The following TRIM7 variants were observed in gnomAD, a reference collection of about 807,000 sequenced individuals.
The protein encoded by TRIM7 is tripartite motif containing 7, also known as E3 ubiquitin-protein ligase TRIM7.
In TRIM7, 32 loss-of-function variants were observed where a neutral mutation model predicts 37.9. That is an observed-to-expected ratio of 0.84 (90% confidence interval 0.64 to 1.13). TRIM7 has a LOEUF of 1.13. TRIM7 is among the 50% of genes most tolerant of loss of function. The pLI is 0.00. For missense variants in TRIM7, 732 were observed against 714.0 expected (o/e 1.03, Z -0.29); for synonymous variants, 351 against 321.3 (o/e 1.09, Z -0.99).
At chr5:181,198,056 A>G in intron 6 of TRIM7, 127 bp downstream of exon 6, 1 of 918,950 alleles carries the variant, frequency 1.1e-6, no homozygotes. Flanking sequence ...GGACAGAGGA[A>G]CAGGGTTGCT....
intron 1 of TRIM7, 70 bp downstream of exon 1, chr5:181,204,519 C>G: frequency 2.3e-6 from 3 of 1,302,394 alleles, no homozygotes; most frequent in Non-Finnish European, 2.9e-6. Flanking sequence ...CTCTGCACCC[C>G]GTGCGCGGGA....
rs254460 is a variant in TRIM7, at chr5:181,195,615, C to A, written c.1087G>T (p.Gly363Cys). The A allele has an allele frequency of 6.4e-7, 1 of 1,572,392 alleles. No individual in the cohort carries two copies. The highest frequency in any genetic ancestry group is 8.7e-7 in the Non-Finnish European group (1 of 1,155,908). The change falls in exon 7 of 7, where the codon GGC becomes TGC. Residue 363 changes from glycine to cysteine, a missense_variant. Gly to Cys is a radical substitution (Grantham distance 159). Transcript: ENST00000274773. ...PRLILSLDLK[G>C]VRLGERAQDL... ...TGGGCCCGCTCGCCGAGGCGCACGC[C>A]CTTAAGATCCAGAGAGAGGATGAGG...
At chr5:181,200,238 G>A in intron 2 of TRIM7, 157 bp from the exon 3 acceptor site, 1 of 1,516,934 alleles carries the variant, frequency 6.6e-7, no homozygotes, top group Non-Finnish European at 8.8e-7. Context: ...TCTATTGTCA[G>A]TGTCCCAGCT....
At position 181,199,886 on chromosome 5, in the gene TRIM7, C is replaced by G; in HGVS notation, c.814G>C (p.Glu272Gln). 2 of 1,614,196 alleles carry G rather than the reference C, an allele frequency of 1.2e-6. No homozygotes were observed. The highest frequency in any genetic ancestry group is 1.7e-6 in the Non-Finnish European group (2 of 1,180,032). The part of the protein sequence containing the change: ...QLSKLSSQIQ[E>Q]TAQKPDLDFL... ...TCAAGGTCAGGCTTTTGAGCTGTCT[C>G]CTGGATCTGGCTGCTGAGCTTGGAC... Residue 272 changes from glutamate (E) to glutamine (Q), a missense_variant, in exon 3 of 7, where the codon GAG becomes CAG. Transcript: ENST00000274773.
At chr5:181,200,656 G>A (rs1246327266) in intron 2 of TRIM7, 6 of 999,056 alleles carry the variant, frequency 6.0e-6, no homozygotes, top group African/African-American at 5.2e-5. Context: ...CCCAAGGAAC[G>A]AAGTGAGAAT....
intron 6 of TRIM7, chr5:181,197,197 T>C (rs1420586114): frequency 2.6e-5 from 4 of 151,848 alleles, no homozygotes; most frequent in Non-Finnish European, 5.9e-5. Context: ...TGAGCACTAC[T>C]ACGATTGAGG....
At chr5:181,200,772 T>C (rs749014316) in intron 2 of TRIM7, 23 of 985,944 alleles carry the variant, frequency 2.3e-5, no homozygotes, top group Non-Finnish European at 2.5e-5. Context: ...CTTGATTTTT[T>C]ATGTGAACAC....
At chr5:181,198,135 C>A (rs780885523) in intron 6 of TRIM7, 48 bp downstream of exon 6, 1 of 1,608,424 alleles carries the variant, frequency 6.2e-7, no homozygotes. Context: ...GGAGTAGGAT[C>A]TCTGTGTGGC....
chr5:181,201,522 AG>A (rs1228001300), intron 2 of TRIM7, among the ~76,000 whole-genome samples: 1 of 152,200 alleles, frequency 6.6e-6, no homozygotes, highest in Non-Finnish European at 1.5e-5. Context: ...GGGCAAAGTC[AG>A]GGGAGAAGGT....
In TRIM7 at chr5:181,198,209, C is replaced by G. The variant is rs371275633; in HGVS notation, c.998G>C (p.Arg333Pro). 4 of 1,614,126 alleles carry G rather than the reference C, an allele frequency of 2.5e-6. No homozygotes were observed. Among genetic ancestry groups the G allele is most frequent in the South Asian group, 2.2e-5 (2 of 91,062 alleles). ...TTTCTCCTCTTTCTCCAGCTCTCCC[C>G]GAAGGTCCTCTGAGGAGGAGAAACA... ...GMLKKFKEDL[R>P]GELEKEEKVE... Residue 333 changes from arginine to proline, a missense_variant, in exon 6 of 7, where the codon CGG (arginine) becomes CCG (proline). Coordinates refer to ENST00000274773, the MANE Select transcript of TRIM7 (RefSeq NM_203293.3).
intron 1 of TRIM7, 99 bp downstream of exon 1, chr5:181,204,490 T>A: frequency 8.1e-7 from 1 of 1,237,420 alleles, no homozygotes; most frequent in Non-Finnish European, 1.0e-6. Context: ...CACCCGGGCC[T>A]CCTGATCGAC....
In TRIM7 at chr5:181,201,855, C is replaced by T. The variant is rs370886669; in HGVS notation, c.618+1690G>A. ...CGGTCAGAGACTGTGAAGCTGCCGCCGGTGCCAGGGAAGGCCCTCTGGTTC... is the reference window on the plus strand; with the variant it reads ...CGGTCAGAGACTGTGAAGCTGCCGCTGGTGCCAGGGAAGGCCCTCTGGTTC... On this transcript the variant is annotated intron_variant, in intron 2 of 6. Coordinates refer to ENST00000274773, the MANE Select transcript of TRIM7 (RefSeq NM_203293.3). Among the ~76,000 whole-genome samples the T allele has an allele frequency of 4.6e-5, 7 of 152,182 alleles. No individual in the cohort carries two copies. In the South Asian group the frequency reaches 6.2e-4, roughly 13 times the overall value.
intron 1 of TRIM7, chr5:181,204,002 G>T: frequency 2.4e-6 from 1 of 423,210 alleles, no homozygotes; most frequent in Non-Finnish European, 3.3e-6. Flanking sequence ...TCCCCGCCCC[G>T]CCCTCACCCC....
At chr5:181,200,377 G>A in intron 2 of TRIM7, 3 of 1,384,456 alleles carry the variant, frequency 2.2e-6, no homozygotes, top group Non-Finnish European at 2.8e-6. Flanking sequence ...ACTACGCCAA[G>A]CTGCAGCTTC....
chr5:181,203,235 G>T, intron 2 of TRIM7: 1 of 1,179,942 alleles, frequency 8.5e-7, no homozygotes, highest in Non-Finnish European at 1.1e-6. Context: ...TCCATTACAA[G>T]ATGCTTCCGC....
chr5:181,195,423 T>G lies in TRIM7; in HGVS notation c.1279A>C (p.Thr427Pro). Residue 427 changes from threonine (T) to proline (P), a missense_variant, in exon 7 of 7, where the codon ACT becomes CCT. By Grantham distance (38) the Thr-to-Pro change is conservative. Transcript: ENST00000274773. ...AGGGCCCAGACGCCCTCCTCGGGAG[T>G]GAAGGGCGTCAGGCCCTTTCGGCGC... ...SVRRKGLTPF[T>P]PEEGVWALQL... 6.2e-7 allele frequency: 1 copy of G among 1,602,278 alleles called. No homozygotes were observed. Among genetic ancestry groups the G allele is most frequent in the Non-Finnish European group, 8.5e-7 (1 of 1,174,762 alleles).
chr5:181,203,548 C>T lies in TRIM7; in HGVS notation c.615G>A (p.Leu205=), dbSNP rs769787043. 1.2e-5 allele frequency: 20 copies of T among 1,614,216 alleles called. No individual in the cohort carries two copies. The highest frequency in any genetic ancestry group is 1.6e-5 in the Non-Finnish European group (19 of 1,180,042). ...RSTEKKESKE[L]LKQMAAEQEK... ...GGCCTGCGGGTGCCTGGCTCACCAG[C>T]AGCTCCTTGCTCTCCTTCTTTTCCG... The change falls in exon 2 of 7, where the codon CTG becomes CTA. Residue 205 remains leucine, a synonymous_variant. Transcript: ENST00000274773.
At chr5:181,200,737 C>T in intron 2 of TRIM7, 1 of 988,630 alleles carries the variant, frequency 1.0e-6, no homozygotes, top group African/African-American at 1.7e-5. Flanking sequence ...CTCGAGTTTT[C>T]AGATGCAGAC....
rs779539065 is a variant in TRIM7, at chr5:181,195,643, C to T, written c.1059G>A (p.Pro353=). The part of the protein sequence containing the change: ...ELTLDPDTAN[P]RLILSLDLKG... ...TAAGATCCAGAGAGAGGATGAGGCG[C>T]GGGTTGGCCGTGTCGGGATCCAAGG... The change falls in exon 7 of 7, where the codon CCG becomes CCA. Residue 353 remains proline (P), a synonymous_variant. Coordinates refer to ENST00000274773, the MANE Select transcript of TRIM7 (RefSeq NM_203293.3). The T allele has an allele frequency of 8.5e-6, 13 of 1,534,004 alleles. No homozygotes were observed. The East Asian group carries it at 1.4e-4, about 16-fold the overall frequency.
Sources: gnomAD v4.1 joint callset for allele counts (sites outside exome capture counted in the v4.1 genomes callset) on GRCh38, gnomAD v4.1.1 for gene constraint, MANE v1.5 for transcripts, NCBI Gene and HGNC (gene_info 2026-07-23, HGNC 2026-07-21) for gene names.